The following ANKRD6 variants were observed in gnomAD, a reference collection of about 807,000 sequenced individuals.
ANKRD6 encodes the protein ankyrin repeat domain 6.
In ANKRD6, 56 loss-of-function variants were observed where a neutral mutation model predicts 82.3. The observed-to-expected ratio is 0.68, with a 90% CI of 0.55 to 0.85. The LOEUF is 0.85. Ranked by LOEUF, ANKRD6 falls within the 40% of genes least tolerant of loss-of-function variation. ANKRD6 has a pLI of 0.00. For synonymous variants in ANKRD6, 347 were observed against 352.1 expected, an observed-to-expected ratio of 0.99 and a Z score of 0.16; for missense variants, 852 against 907.6, an observed-to-expected ratio of 0.94 and a Z score of 0.79.
At chr6:89,531,433 C>T (rs536757476) in intron 1 of ANKRD6, among the ~76,000 whole-genome samples, 3 of 152,364 alleles carry the variant, frequency 2.0e-5, no homozygotes, top group Non-Finnish European at 4.4e-5. Flanking sequence ...CCATGTGGAT[C>T]GAAGCATCTT....
At chr6:89,477,071 A>G (rs780450367) in intron 1 of ANKRD6, among the ~76,000 whole-genome samples, 1 of 152,090 alleles carries the variant, frequency 6.6e-6, no homozygotes, top group Non-Finnish European at 1.5e-5. Context: ...CAGCCTCCCA[A>G]GTAGCTGGGA....
chr6:89,440,719 C>T (rs1771264550), intron 1 of ANKRD6, among the ~76,000 whole-genome samples: 1 of 151,662 alleles, frequency 6.6e-6, no homozygotes, highest in Admixed American at 6.6e-5. Flanking sequence ...CGCTTGAGCC[C>T]AGGAGTTTGA....
chr6:89,624,320 A>C (rs1378458796), intron 12 of ANKRD6, among the ~76,000 whole-genome samples: 4 of 152,100 alleles, frequency 2.6e-5, no homozygotes, highest in Non-Finnish European at 5.9e-5. Flanking sequence ...GGTATATAAA[A>C]GCACCTTGAG....
intron 1 of ANKRD6, among the ~76,000 whole-genome samples, chr6:89,563,789 A>G (rs1787897540): frequency 6.6e-6 from 1 of 152,102 alleles, no homozygotes; most frequent in Non-Finnish European, 1.5e-5. Context: ...GAGAAGAAGC[A>G]GAGTGTCTTC....
intron 1 of ANKRD6, among the ~76,000 whole-genome samples, chr6:89,538,712 A>G (rs905084228): frequency 1.4e-4 from 21 of 152,172 alleles, no homozygotes; most frequent in African/African-American, 4.8e-4. Context: ...GGTGGGAAGT[A>G]TGGTTATCTA....
Position 89,433,529 on chromosome 6 carries a change from C to T in ANKRD6, c.-144+154C>T, listed in dbSNP as rs1362853299. 6.6e-6 allele frequency among the ~76,000 whole-genome samples: 1 copy of T among 152,204 alleles called. No homozygotes were observed. The highest frequency in any genetic ancestry group is 2.4e-5 in the African/African-American group (1 of 41,468). ...CGGAGGAGACCCGGACACCGCGCCT[C>T]GCCCCCTGGCCTGCGGCCTCCGAAA... On this transcript the variant is annotated intron_variant, in intron 1 of 15. Transcript: ENST00000339746. This position sits in a 1 kb window ranked among gnomAD's most constrained non-coding sequence, Gnocchi z 4.3.
chr6:89,609,801 G>A (rs888823780), intron 5 of ANKRD6, among the ~76,000 whole-genome samples: 4 of 151,752 alleles, frequency 2.6e-5, no homozygotes, highest in East Asian at 1.9e-4. Flanking sequence ...TAGTAGAGAC[G>A]AGGTTTCACC....
At chr6:89,596,074 A>C (rs1196945040) in intron 3 of ANKRD6, 60 bp downstream of exon 3, 9 of 1,419,658 alleles carry the variant, frequency 6.3e-6, no homozygotes, top group African/African-American at 2.8e-5. Context: ...CTGGCTAGAA[A>C]TCCACAAAGT....
chr6:89,603,980 C>G (rs541583258), intron 4 of ANKRD6, among the ~76,000 whole-genome samples: 1 of 152,216 alleles, frequency 6.6e-6, no homozygotes, highest in East Asian at 1.9e-4. Context: ...CCAGCCTGGA[C>G]GACAGAGTGA....
At chr6:89,508,414 A>G (rs1412186394) in intron 1 of ANKRD6, among the ~76,000 whole-genome samples, 1 of 152,242 alleles carries the variant, frequency 6.6e-6, no homozygotes, top group Non-Finnish European at 1.5e-5. Flanking sequence ...TGGGGAAATC[A>G]GGGAATTCCC....
At chr6:89,453,350 T>C (rs375775154) in intron 1 of ANKRD6, among the ~76,000 whole-genome samples, 1 of 152,268 alleles carries the variant, frequency 6.6e-6, no homozygotes, top group African/African-American at 2.4e-5. Flanking sequence ...TAAAGTGTTA[T>C]ACCCTGTAAT....
intron 1 of ANKRD6, among the ~76,000 whole-genome samples, chr6:89,564,602 T>C (rs1788069986): frequency 6.6e-6 from 1 of 152,010 alleles, no homozygotes; most frequent in African/African-American, 2.4e-5. Flanking sequence ...CCTGCATCCA[T>C]TGCTGAGGAG....
Position 89,630,538 on chromosome 6 carries a change from G to C in ANKRD6, c.1718G>C (p.Arg573Thr). 4 of 1,614,004 alleles carry C rather than the reference G, an allele frequency of 2.5e-6. No individual in the cohort carries two copies. Among genetic ancestry groups the C allele is most frequent in the Non-Finnish European group, 3.4e-6 (4 of 1,179,860 alleles). The change falls in exon 16 of 16, where the codon AGA becomes ACA. Residue 573 changes from arginine (R) to threonine (T), a missense_variant. Physicochemically the swap from Arg to Thr is moderately conservative, Grantham distance 71. Coordinates refer to ENST00000339746, the MANE Select transcript of ANKRD6 (RefSeq NM_001242809.2). ...EKALNSTATQRLQQELSSSDC... is the reference protein window; with the variant it reads ...EKALNSTATQTLQQELSSSDC... ...GCCCTCAACTCCACTGCTACCCAGA[G>C]ACTCCAGCAGGAGCTGTCGTCTTCT... is the stretch of plus-strand genomic sequence containing the variant.
At chr6:89,530,502 C>G (rs1184416260) in intron 1 of ANKRD6, among the ~76,000 whole-genome samples, 2 of 151,976 alleles carry the variant, frequency 1.3e-5, no homozygotes, top group Non-Finnish European at 2.9e-5. Flanking sequence ...TGTTTGGCCT[C>G]ATTCTGTGGT....
intron 13 of ANKRD6, 151 bp from the exon 14 acceptor site, chr6:89,627,432 G>A: frequency 1.7e-6 from 1 of 595,546 alleles, no homozygotes; most frequent in Middle Eastern, 3.7e-4. Flanking sequence ...AGAGTTCCAT[G>A]AGTCCTACAT....
At chr6:89,573,476 C>G (rs147732542) in intron 2 of ANKRD6, among the ~76,000 whole-genome samples, 26 of 152,290 alleles carry the variant, frequency 1.7e-4, no homozygotes, top group African/African-American at 6.0e-4. Flanking sequence ...ATTTATCCTT[C>G]TTTCTGATTG....
At chr6:89,504,256 G>A (rs569085442) in intron 1 of ANKRD6, among the ~76,000 whole-genome samples, 10 of 152,154 alleles carry the variant, frequency 6.6e-5, no homozygotes, top group Middle Eastern at 3.4e-3. Flanking sequence ...GAGAATGATC[G>A]TATCCATTTA....
At chr6:89,437,289 T>G (rs983129835) in intron 1 of ANKRD6, among the ~76,000 whole-genome samples, 12 of 152,190 alleles carry the variant, frequency 7.9e-5, no homozygotes, top group African/African-American at 2.9e-4. Flanking sequence ...CAAGAGGCTT[T>G]CTTTCTGCTC....
chr6:89,537,673 G>C (rs886130038), intron 1 of ANKRD6, among the ~76,000 whole-genome samples: 1 of 151,580 alleles, frequency 6.6e-6, no homozygotes, highest in African/African-American at 2.4e-5. Flanking sequence ...CAGCACTTGG[G>C]GATGCCGAGG....
Sources: allele counts gnomAD v4.1 joint callset (sites outside exome capture counted in the v4.1 genomes callset), GRCh38; gene constraint gnomAD v4.1.1; non-coding constraint Gnocchi (gnomAD v3.1); transcripts MANE v1.5; gene names NCBI Gene and HGNC (gene_info 2026-07-23, HGNC 2026-07-21).